KIZ: variants seen among roughly 807,000 people sequenced by gnomAD.
KIZ encodes centrosomal protein kizuna.
In KIZ, 68 loss-of-function variants were observed where a neutral mutation model predicts 79.6. The ratio of observed to expected loss-of-function variants is 0.85; its 90% confidence interval spans 0.70 to 1.05. KIZ has a LOEUF of 1.05. Among genes scored for constraint, KIZ ranks in the 50% least tolerant of loss-of-function variants. KIZ has a pLI of 0.00. For missense variants in KIZ, 797 were observed against 800.4 expected, an observed-to-expected ratio of 1.00 and a Z score of 0.05; for synonymous variants, 280 against 281.8, an observed-to-expected ratio of 0.99 and a Z score of 0.06.
At chr20:21,179,979 G>A (rs928813512) in intron 6 of KIZ, among the ~76,000 whole-genome samples, 1 of 152,152 alleles carries the variant, frequency 6.6e-6, no homozygotes, top group African/African-American at 2.4e-5. Flanking sequence ...AAGCTAACAC[G>A]TGATCTGTTC....
At chr20:21,219,281 G>T (rs1033504472) in intron 9 of KIZ, among the ~76,000 whole-genome samples, 2 of 152,098 alleles carry the variant, frequency 1.3e-5, no homozygotes, top group African/African-American at 2.4e-5. Context: ...ATCTTCCAGG[G>T]GTGAGTGCTT....
intron 7 of KIZ, among the ~76,000 whole-genome samples, chr20:21,211,428 C>A (rs2036062906): frequency 1.3e-5 from 2 of 152,188 alleles, no homozygotes; most frequent in African/African-American, 4.8e-5. Flanking sequence ...CTTCAGACTG[C>A]TGAGACCAAT....
intron 6 of KIZ, among the ~76,000 whole-genome samples, chr20:21,193,277 T>A (rs1173093266): frequency 6.6e-6 from 1 of 152,152 alleles, no homozygotes; most frequent in African/African-American, 2.4e-5. Context: ...ACACAAAAAT[T>A]TAACTCACCA....
At chr20:21,235,397 A>G (rs932017982) in intron 11 of KIZ, among the ~76,000 whole-genome samples, 1 of 152,162 alleles carries the variant, frequency 6.6e-6, no homozygotes, top group Non-Finnish European at 1.5e-5. Flanking sequence ...ATCTTTTTCT[A>G]CCATTGTATT....
intron 3 of KIZ, among the ~76,000 whole-genome samples, chr20:21,142,976 G>T (rs186592235): frequency 6.6e-6 from 1 of 152,082 alleles, no homozygotes; most frequent in African/African-American, 2.4e-5. Flanking sequence ...GCCCCTGGAG[G>T]GCAAAGTGTG....
chr20:21,186,795 C>G (rs1379170356), intron 6 of KIZ, among the ~76,000 whole-genome samples: 1 of 152,054 alleles, frequency 6.6e-6, no homozygotes, highest in Non-Finnish European at 1.5e-5. Flanking sequence ...TGTTTTCTTG[C>G]TTACATCCCG....
At position 21,142,222 on chromosome 20, in the gene KIZ, T is replaced by G. The variant is rs2032591416; in HGVS notation, c.316-3343T>G. ...TACCTCCTTCAATTAGAAGGCCTTT[T>G]TCCCCCTGCCCTGCCTTAGGTCTGT... is the stretch of plus-strand genomic sequence containing the variant. On this transcript the variant is annotated intron_variant, in intron 3 of 12. Coordinates refer to ENST00000619189, the MANE Select transcript of KIZ (RefSeq NM_018474.6). Among the ~76,000 whole-genome samples the G allele has an allele frequency of 1.3e-5, 2 of 152,156 alleles. 1 individual carries two copies. The highest frequency in any genetic ancestry group is 4.1e-4 in the South Asian group (2 of 4,832).
Position 21,232,879 on chromosome 20 carries a change from TCA to T in KIZ, c.1880+52_1880+53del, listed in dbSNP as rs745964995. ...AATAGCAGCAACAAGATGAGAAATG[TCA>T]CAGCGCAATGAATTAAACTCTGGCT... is the stretch of plus-strand genomic sequence containing the variant. On this transcript the variant is annotated intron_variant, in intron 11 of 12. Transcript: ENST00000619189. 6.3e-6 allele frequency: 5 copies of T among 798,736 alleles called. No individual in the cohort carries two copies. In the East Asian group the frequency reaches 1.3e-4, roughly 21 times the overall value. 49.5% of individuals were successfully genotyped at this position (798,736 alleles called of 1,614,324 possible).
At chr20:21,131,988 C>G (rs539468929) in intron 1 of KIZ, 109 bp from the exon 2 acceptor site, 2 of 603,042 alleles carry the variant, frequency 3.3e-6, no homozygotes, top group Non-Finnish European at 5.9e-6. Flanking sequence ...TTTTTTTGAC[C>G]TCTAATCAAC....
intron 8 of KIZ, among the ~76,000 whole-genome samples, chr20:21,215,059 AT>A (rs1460952341): frequency 6.6e-6 from 1 of 152,192 alleles, no homozygotes; most frequent in Non-Finnish European, 1.5e-5. Context: ...ACCTAATAGA[AT>A]TTTCTCATAA....
intron 6 of KIZ, among the ~76,000 whole-genome samples, chr20:21,174,753 TA>T (rs1197134100): frequency 5.1e-4 from 78 of 152,320 alleles, no homozygotes; most frequent in Non-Finnish European, 9.6e-4. Context: ...CTCAAGGTCA[TA>T]AAAATGTGAT....
At chr20:21,175,362 C>T (rs1340537450) in intron 6 of KIZ, among the ~76,000 whole-genome samples, 1 of 152,144 alleles carries the variant, frequency 6.6e-6, no homozygotes, top group Non-Finnish European at 1.5e-5. Context: ...GCAAAGTAGG[C>T]AATAATCGTA....
intron 11 of KIZ, among the ~76,000 whole-genome samples, chr20:21,234,311 TA>T (rs2036928023): frequency 6.6e-6 from 1 of 151,356 alleles, no homozygotes; most frequent in African/African-American, 2.4e-5. Context: ...ATTAATTTCC[TA>T]ATAAATTACA....
At chr20:21,191,829 G>A (rs116337431) in intron 6 of KIZ, among the ~76,000 whole-genome samples, 2,074 of 151,266 alleles carry the variant, frequency 0.014, 57 homozygotes, top group African/African-American at 0.049. Flanking sequence ...AGAGGAGGTA[G>A]GGCTTGTTTA....
chr20:21,142,798 T>TAAATAAATAAATAAATA (rs1555873851), intron 3 of KIZ, among the ~76,000 whole-genome samples: 8 of 151,408 alleles, frequency 5.3e-5, no homozygotes, highest in Non-Finnish European at 8.8e-5. Context: ...CTCAAATAAA[T>TAAATAAATAAATAAATA]AAATAAATAA....
At chr20:21,132,788 A>G (rs2031935903) in intron 2 of KIZ, among the ~76,000 whole-genome samples, 1 of 152,156 alleles carries the variant, frequency 6.6e-6, no homozygotes, top group Non-Finnish European at 1.5e-5. Flanking sequence ...TTTTGGTTGC[A>G]ATTTAAACAC....
chr20:21,132,234 T>A, intron 2 of KIZ, 75 bp downstream of exon 2: 2 of 729,960 alleles, frequency 2.7e-6, no homozygotes, highest in South Asian at 3.6e-5. Flanking sequence ...TAATGTTATG[T>A]CATAAATATT....
At chr20:21,151,839 A>G (rs1041722819) in intron 4 of KIZ, 4 of 152,204 alleles carry the variant, frequency 2.6e-5, no homozygotes, top group Non-Finnish European at 4.4e-5. Context: ...TAGAAAGAAA[A>G]TCTTTTGTTC....
intron 4 of KIZ, among the ~76,000 whole-genome samples, chr20:21,152,721 G>A (rs2033179622): frequency 1.3e-5 from 2 of 152,140 alleles, no homozygotes; most frequent in Admixed American, 6.5e-5. Context: ...CAGTGGTTTT[G>A]GGGTGTTCTG....
Sources: allele counts gnomAD v4.1 joint callset (sites outside exome capture counted in the v4.1 genomes callset), GRCh38; gene constraint gnomAD v4.1.1; transcripts MANE v1.5; gene names NCBI Gene and HGNC (gene_info 2026-07-23, HGNC 2026-07-21).